The following CPLANE1 variants were observed in gnomAD, a reference collection of about 807,000 sequenced individuals.
CPLANE1 encodes the protein ciliogenesis and planar polarity effector complex subunit 1.
In CPLANE1, 263 loss-of-function variants were observed where a neutral mutation model predicts 362.5. The ratio of observed to expected loss-of-function variants is 0.73; its 90% CI spans 0.66 to 0.80. The LOEUF (loss-of-function observed/expected upper bound fraction) is 0.80, where lower values mean the gene tolerates loss of function less well. CPLANE1 is among the 30% of genes least tolerant of loss of function. The pLI is 0.00. For synonymous variants in CPLANE1, 1,212 were observed against 1,302.6 expected, an observed-to-expected ratio of 0.93 and a Z score of 1.50; for missense variants, 3,461 against 3,793.4, an observed-to-expected ratio of 0.91 and a Z score of 2.30.
intron 25 of CPLANE1, 46 bp from the exon 26 acceptor site, chr5:37,183,745 C>A: frequency 7.8e-7 from 1 of 1,285,638 alleles, no homozygotes; most frequent in Non-Finnish European, 1.1e-6. Context: ...ATCATTTAAT[C>A]ACTAAAACTG....
At position 37,201,755 on chromosome 5, in the gene CPLANE1, G is replaced by T; in HGVS notation, c.3343C>A (p.Leu1115Met). Residue 1115 changes from leucine (L) to methionine (M), a missense_variant, in exon 19 of 53, where the codon CTG (leucine) becomes ATG (methionine). Transcript: ENST00000651892. Reference sequence around the variant, plus strand: ...GCATCGGCCATAACTGATGCTTTCAGTACTTCTTGTACTGAACCAAATAGC... The same window carrying T: ...GCATCGGCCATAACTGATGCTTTCATTACTTCTTGTACTGAACCAAATAGC... ...NLLFGSVQEV[L>M]KASVMADADI... 1 of 1,613,992 alleles carries T rather than the reference G, an allele frequency of 6.2e-7. No individual in the cohort carries two copies. The highest frequency in any genetic ancestry group is 8.5e-7 in the Non-Finnish European group (1 of 1,179,944).
chr5:37,198,587 T>C (rs1788240165), intron 20 of CPLANE1, 115 bp downstream of exon 20: 1 of 990,042 alleles, frequency 1.0e-6, no homozygotes, highest in East Asian at 2.7e-5. Context: ...AATCTGAAAT[T>C]TGTGGATTTA....
Position 37,130,983 on chromosome 5 carries a change from C to T in CPLANE1, c.8793-5574G>A, listed in dbSNP as rs531764217. 1.8e-4 allele frequency among the ~76,000 whole-genome samples: 27 copies of T among 152,288 alleles called. No homozygotes were observed. The South Asian group carries it at 5.2e-3, about 29-fold the overall frequency. On this transcript the variant is annotated intron_variant, in intron 46 of 52. Transcript: ENST00000651892. ...TATATATCCTTGCTTGCATCTTTCA[C>T]GTTATAGGCTGCAGTGAATGTCTGT...
intron 24 of CPLANE1, among the ~76,000 whole-genome samples, chr5:37,185,665 T>C (rs774948343): frequency 6.6e-6 from 1 of 152,086 alleles, no homozygotes; most frequent in South Asian, 2.1e-4. Flanking sequence ...ACAAAATCAC[T>C]GGACATACCT....
At chr5:37,210,637 A>G in intron 16 of CPLANE1, 1 of 1,598,164 alleles carries the variant, frequency 6.3e-7, no homozygotes, top group Admixed American at 1.7e-5. Context: ...AAACAAAACC[A>G]TATGCTGAAT....
chr5:37,139,519 A>G, intron 44 of CPLANE1, 149 bp from the exon 45 acceptor site: 2 of 1,140,594 alleles, frequency 1.8e-6, no homozygotes, highest in Non-Finnish European at 2.2e-6. Context: ...CAGCATATTT[A>G]TCCTCTTCCT....
In CPLANE1 at chr5:37,184,927, C is replaced by G; in HGVS notation, c.4342G>C (p.Val1448Leu). The change falls in exon 25 of 53, where the codon GTT becomes CTT. Residue 1448 changes from valine to leucine, a missense_variant. Around this residue, in one of 2 missense-constraint regions of CPLANE1, gnomAD observed 3,380 missense variants for 3,666.1 expected, o/e 0.92. Coordinates refer to ENST00000651892, the MANE Select transcript of CPLANE1 (RefSeq NM_001384732.1). ...CTAGTCCCCAGGGAATATCTGTCAA[C>G]ACCTGGAGCCTCATCTGGTTTCTCT... is the stretch of plus-strand genomic sequence containing the variant. ...EEEKPDEAPGVDRYSLGTSLS... is the reference protein window; with the variant it reads ...EEEKPDEAPGLDRYSLGTSLS... The G allele has an allele frequency of 6.2e-7, 1 of 1,614,104 alleles. No homozygotes were observed. Among genetic ancestry groups the G allele is most frequent in the South Asian group, 1.1e-5 (1 of 91,084 alleles).
intron 33 of CPLANE1, 106 bp downstream of exon 33, chr5:37,169,935 C>G (rs1346779138): frequency 9.1e-7 from 1 of 1,093,800 alleles, no homozygotes; most frequent in Non-Finnish European, 1.3e-6. Flanking sequence ...CGATGTTGGC[C>G]AGGCTGGTCT....
chr5:37,210,811 A>G, intron 16 of CPLANE1: 2 of 1,043,998 alleles, frequency 1.9e-6, no homozygotes, highest in Middle Eastern at 2.0e-4. Flanking sequence ...GCGGTCTTTC[A>G]GAAAGAACTA....
At chr5:37,119,205 A>G (rs1159892242) in intron 50 of CPLANE1, among the ~76,000 whole-genome samples, 1 of 152,238 alleles carries the variant, frequency 6.6e-6, no homozygotes, top group Non-Finnish European at 1.5e-5. Flanking sequence ...TAAAAACATG[A>G]CATTATTTCA....
At chr5:37,177,578 A>G (rs1580448370) in intron 30 of CPLANE1, 43 bp downstream of exon 30, 2 of 1,392,496 alleles carry the variant, frequency 1.4e-6, no homozygotes, top group East Asian at 2.3e-5. Context: ...AGCTTCACTG[A>G]GGTAACCAGT....
At chr5:37,246,994 G>A (rs1020605063) in intron 2 of CPLANE1, among the ~76,000 whole-genome samples, 3 of 152,202 alleles carry the variant, frequency 2.0e-5, no homozygotes, top group African/African-American at 7.2e-5. Context: ...CCAGCAATCT[G>A]TGTTTTAACC....
At chr5:37,131,729 G>A (rs920239253) in intron 46 of CPLANE1, among the ~76,000 whole-genome samples, 4 of 151,970 alleles carry the variant, frequency 2.6e-5, no homozygotes, top group African/African-American at 9.7e-5. Context: ...ACGGGGTTTT[G>A]TCACGTTGGA....
rs4315947 is a variant in CPLANE1 at position 37,212,035 on chromosome 5, G to C, written c.2920+1524C>G. 5.3e-6 allele frequency: 5 copies of C among 950,844 alleles called. No homozygotes were observed. In the East Asian group the frequency reaches 1.2e-4, roughly 23 times the overall value. 58.9% of individuals were successfully genotyped at this position (950,844 alleles called of 1,614,324 possible). On this transcript the variant is annotated intron_variant, in intron 16 of 52. Transcript: ENST00000651892. ...ATATGGGAACAGCAAGTGAAAGAAC[G>C]AAAGCAGAGAGAAGAAAGAAGGCAG...
intron 31 of CPLANE1, 27 bp from the exon 32 acceptor site, chr5:37,173,974 A>C: frequency 1.3e-6 from 2 of 1,579,384 alleles, no homozygotes; most frequent in Non-Finnish European, 1.7e-6. Flanking sequence ...TAAATAAAAA[A>C]CATGCATTAA....
At chr5:37,130,827 T>A (rs1455696665) in intron 46 of CPLANE1, 2 of 152,832 alleles carry the variant, frequency 1.3e-5, no homozygotes, top group African/African-American at 4.8e-5. Flanking sequence ...ATTGGCACAT[T>A]TTAAAAACGA....
At chr5:37,140,898 GT>G (rs1452801119) in intron 44 of CPLANE1, 1 of 970,602 alleles carries the variant, frequency 1.0e-6, no homozygotes, top group Non-Finnish European at 1.2e-6. Context: ...TAGTGTTAGT[GT>G]ATTTTATGTG....
chr5:37,153,629 A>T, intron 42 of CPLANE1, 111 bp downstream of exon 42: 1 of 1,147,190 alleles, frequency 8.7e-7, no homozygotes, highest in Non-Finnish European at 1.2e-6. Flanking sequence ...ACCCTAGCTT[A>T]AAGAAAACAA....
chr5:37,137,654 G>A (rs1158845706), intron 46 of CPLANE1, among the ~76,000 whole-genome samples: 2 of 152,236 alleles, frequency 1.3e-5, no homozygotes, highest in Non-Finnish European at 2.9e-5. Flanking sequence ...AATCATGGCA[G>A]AAGGGGAAGC....
Sources: gnomAD v4.1 joint callset for allele counts (sites outside exome capture counted in the v4.1 genomes callset) on GRCh38, gnomAD v4.1.1 for gene constraint, gnomAD v4.1.1 regional missense constraint, MANE v1.5 for transcripts, NCBI Gene and HGNC (gene_info 2026-07-23, HGNC 2026-07-21) for gene names.